Variants in TGM2 observed in about 807,000 individuals in gnomAD.
TGM2 encodes the protein transglutaminase 2.
Under a neutral mutation model 75.6 loss-of-function variants are expected in TGM2, and 53 were observed. That is an observed-to-expected ratio of 0.70 (90% confidence interval 0.56 to 0.88). The LOEUF (loss-of-function observed/expected upper bound fraction) is 0.88. TGM2 is among the 40% of genes least tolerant of loss of function. TGM2 has a pLI of 0.00. For missense variants in TGM2, 842 were observed against 928.5 expected (o/e 0.91, Z 1.21); for synonymous variants, 374 against 381.1 (o/e 0.98, Z 0.22).
chr20:38,151,172 T>A, intron 3 of TGM2, 115 bp from the exon 4 acceptor site: 2 of 771,330 alleles, frequency 2.6e-6, no homozygotes, highest in Admixed American at 1.8e-5. Context: ...CAGGGATCCA[T>A]CCTTCTTTTA....
At chr20:38,166,525 G>C (rs1412297439), upstream of TGM2, 2 of 152,370 alleles carry the variant, frequency 1.3e-5, no homozygotes, top group East Asian at 3.9e-4. Flanking sequence ...TGAGCGGGAA[G>C]GGTTCCCGGA....
chr20:38,163,504 C>T (rs1268146843), intron 1 of TGM2, among the ~76,000 whole-genome samples: 5 of 152,184 alleles, frequency 3.3e-5, no homozygotes, highest in African/African-American at 4.8e-5. Flanking sequence ...CCAGGTGGCT[C>T]CAGGTCCCAG....
upstream of TGM2, among the ~76,000 whole-genome samples, chr20:38,166,235 T>C (rs1264032499): frequency 1.3e-5 from 2 of 152,056 alleles, no homozygotes; most frequent in African/African-American, 4.8e-5. Context: ...CAGCCATCCA[T>C]CTACCCATCC....
At chr20:38,167,255 A>G (rs2075319398), upstream of TGM2, among the ~76,000 whole-genome samples, 1 of 152,122 alleles carries the variant, frequency 6.6e-6, no homozygotes, top group Non-Finnish European at 1.5e-5. Flanking sequence ...GCCCCAGATG[A>G]AAGGATGGGT....
At chr20:38,167,160 A>AT (rs2075318242), upstream of TGM2, among the ~76,000 whole-genome samples, 2 of 152,114 alleles carry the variant, frequency 1.3e-5, no homozygotes, top group Non-Finnish European at 2.9e-5. Context: ...GCACCTGGCT[A>AT]TTTCGGGACC....
chr20:38,158,309 C>T (rs2075212523), intron 2 of TGM2, among the ~76,000 whole-genome samples: 1 of 152,238 alleles, frequency 6.6e-6, no homozygotes, highest in African/African-American at 2.4e-5. Context: ...TCCCACGGTC[C>T]ACCCGCTGCT....
chr20:38,160,387 A>G (rs1378181974), intron 2 of TGM2, among the ~76,000 whole-genome samples: 1 of 152,194 alleles, frequency 6.6e-6, no homozygotes, highest in Non-Finnish European at 1.5e-5. Context: ...GCATCTGGGG[A>G]TGAGACGCCT....
intron 4 of TGM2, among the ~76,000 whole-genome samples, chr20:38,149,713 G>GAAAAAAAAAAAAAAAAA (rs2075095092): frequency 7.2e-6 from 1 of 138,614 alleles, no homozygotes. Context: ...AGGACCCTGG[G>GAAAAAAAAAAAAAAAAA]AAATAAAGGA....
At chr20:38,147,783 C>A (rs755685191) in intron 5 of TGM2, among the ~76,000 whole-genome samples, 178 bp downstream of exon 5, 30 of 152,136 alleles carry the variant, frequency 2.0e-4, no homozygotes, top group African/African-American at 6.3e-4. Flanking sequence ...TCTGGGGGAC[C>A]CCATAGCATC....
In TGM2 at chr20:38,130,283, T is replaced by C. The variant is rs1378978282; in HGVS notation, c.2000A>G (p.Asn667Ser). Residue 667 changes from asparagine to serine, a missense_variant, in exon 13 of 13, where the codon AAC becomes AGC. By Grantham distance (46) the Asn-to-Ser change is conservative (BLOSUM62 1). Coordinates refer to ENST00000361475, the MANE Select transcript of TGM2 (RefSeq NM_004613.4). ...LHMGLHKLVVNFESDKLKAVK... is the reference protein window; with the variant it reads ...LHMGLHKLVVSFESDKLKAVK... ...AGCCTTCAGCTTGTCGCTCTCGAAGTTCACCACCAGCTTGTGGAGGCCCAT... is the reference window on the plus strand; with the variant it reads ...AGCCTTCAGCTTGTCGCTCTCGAAGCTCACCACCAGCTTGTGGAGGCCCAT... The C allele has an allele frequency of 6.2e-7, 1 of 1,612,962 alleles. No homozygotes were observed. Among genetic ancestry groups the C allele is most frequent in the African/African-American group, 1.3e-5 (1 of 74,920 alleles).
intron 10 of TGM2, among the ~76,000 whole-genome samples, chr20:38,135,462 G>A (rs1351366910): frequency 6.9e-6 from 1 of 144,224 alleles, no homozygotes; most frequent in South Asian, 2.3e-4. Flanking sequence ...GGCTGGAAGG[G>A]CTCTTAAAAG....
chr20:38,127,469 C>G lies in TGM2; in HGVS notation c.*2750G>C, dbSNP rs1196992591. ...GACTTCCCAAGGGTGGGGACTGTCC[C>G]CATCATCTATTCATTCAACAGATAC... is the stretch of plus-strand genomic sequence containing the variant. On this transcript the variant is annotated 3_prime_UTR_variant, in exon 13 of 13. Transcript: ENST00000361475. 1.5e-6 allele frequency: 1 copy of G among 645,484 alleles called. No individual in the cohort carries two copies. The highest frequency in any genetic ancestry group is 2.0e-5 in the African/African-American group (1 of 50,546). The allele number at this position is 645,484 out of a possible 1,614,324, so 40.0% of individuals were successfully genotyped here.
rs185051730 is a variant in TGM2 at position 38,130,622 on chromosome 20, G to A, written c.1914-253C>T. On this transcript the variant is annotated intron_variant, in intron 12 of 12. Coordinates refer to ENST00000361475, the MANE Select transcript of TGM2 (RefSeq NM_004613.4). ...CACAAGGGGATAGGCTCAGGTAGCC[G>A]TGTGTGTGAAAATGTATTGAGCTGT... is the stretch of plus-strand genomic sequence containing the variant. 4.6e-5 allele frequency among the ~76,000 whole-genome samples: 7 copies of A among 152,354 alleles called. No homozygotes were observed. The East Asian group carries it at 9.6e-4, about 21-fold the overall frequency.
intron 1 of TGM2, among the ~76,000 whole-genome samples, chr20:38,162,414 G>A (rs1600523487): frequency 6.6e-6 from 1 of 152,178 alleles, no homozygotes; most frequent in Non-Finnish European, 1.5e-5. Flanking sequence ...ACCCAGGGCT[G>A]AGGAACAAGT....
In TGM2 at chr20:38,142,195, C is replaced by T. The variant is rs749201536; in HGVS notation, c.864G>A (p.Leu288=). 6.8e-6 allele frequency: 11 copies of T among 1,614,074 alleles called. No individual in the cohort carries two copies. The highest frequency in any genetic ancestry group is 1.6e-4 in the Middle Eastern group (1 of 6,084). ...WVFAAVACTV[L]RCLGIPTRVV... is the part of the protein sequence containing the mutation. Reference sequence around the variant, plus strand: ...CGCGGGTAGGGATGCCCAGGCACCTCAGCACTGTTGGAGAGGAGTGGAAAG... The same window carrying T: ...CGCGGGTAGGGATGCCCAGGCACCTTAGCACTGTTGGAGAGGAGTGGAAAG... The change falls in exon 7 of 13, where the codon CTG becomes CTA. Residue 288 remains leucine, a synonymous_variant. Transcript: ENST00000361475.
At chr20:38,162,603 C>CA (rs1330330903) in intron 1 of TGM2, among the ~76,000 whole-genome samples, 1 of 152,010 alleles carries the variant, frequency 6.6e-6, no homozygotes, top group Non-Finnish European at 1.5e-5. Context: ...ATCTTGATTT[C>CA]AAAAAAGTAT....
intron 10 of TGM2, 151 bp downstream of exon 10, chr20:38,137,962 T>C: frequency 6.9e-7 from 1 of 1,440,520 alleles, no homozygotes; most frequent in Non-Finnish European, 9.2e-7. Context: ...AGTGGGTTGA[T>C]ATTTATAAAG....
rs561888818 is a variant in TGM2, at chr20:38,150,741, G to A, written c.552+198C>T. 5.3e-5 allele frequency among the ~76,000 whole-genome samples: 8 copies of A among 152,344 alleles called. No homozygotes were observed. The South Asian group carries it at 1.0e-3, about 20-fold the overall frequency. ...TCTCCACCTTGAATCCAAGGCTGCC[G>A]CCTTTGCTGTGTGACCTCAGGGCAG... On this transcript the variant is annotated intron_variant, in intron 4 of 12. Transcript: ENST00000361475.
At chr20:38,154,344 A>T (rs145037045) in intron 3 of TGM2, among the ~76,000 whole-genome samples, 3 of 152,316 alleles carry the variant, frequency 2.0e-5, no homozygotes, top group African/African-American at 7.2e-5. Context: ...TTGAAGAGGG[A>T]CACCCGATTC....
Sources: allele counts gnomAD v4.1 joint callset (sites outside exome capture counted in the v4.1 genomes callset), GRCh38; gene constraint gnomAD v4.1.1; transcripts MANE v1.5; gene names NCBI Gene and HGNC (gene_info 2026-07-23, HGNC 2026-07-21).